Variants in DNTTIP2 observed in about 807,000 individuals in gnomAD.
DNTTIP2 encodes the protein deoxynucleotidyltransferase terminal interacting protein 2.
In DNTTIP2, 47 loss-of-function variants were observed where a neutral mutation model predicts 62.4. The observed-to-expected ratio is 0.75, with a 90% CI of 0.60 to 0.96. DNTTIP2 has a LOEUF of 0.96. Ranked by LOEUF, DNTTIP2 falls within the 40% of genes least tolerant of loss-of-function variation. The probability of loss-of-function intolerance (pLI) is 0.00; values close to 1 mark genes in which losing one functional copy is unlikely to be tolerated. For missense variants in DNTTIP2, 870 were observed against 849.1 expected (o/e 1.02, Z -0.31); for synonymous variants, 322 against 300.9 (o/e 1.07, Z -0.73).
intron 2 of DNTTIP2, 54 bp from the exon 3 acceptor site, chr1:93,875,837 T>C (rs1177430103): frequency 5.2e-6 from 8 of 1,530,564 alleles, no homozygotes; most frequent in Non-Finnish European, 5.3e-6. Flanking sequence ...AATGGAAACA[T>C]ATAAGATGGC....
At chr1:93,871,314 A>T (rs542091019) in intron 5 of DNTTIP2, among the ~76,000 whole-genome samples, 3 of 152,354 alleles carry the variant, frequency 2.0e-5, no homozygotes, top group African/African-American at 7.2e-5. Flanking sequence ...TGCAGTCTTA[A>T]GGAAGCTCCA....
At position 93,876,714 on chromosome 1, in the gene DNTTIP2, A is replaced by C; in HGVS notation, c.1221T>G (p.Ser407Arg). Residue 407 changes from serine to arginine, a missense_variant, in exon 2 of 7, where the codon AGT becomes AGG. Coordinates refer to ENST00000436063, the MANE Select transcript of DNTTIP2 (RefSeq NM_014597.5). ...CTTCACTGTTCATGTCTTCACTGACACTTATAACTGTGGACTCTTCTTCAT... is the reference window on the plus strand; with the variant it reads ...CTTCACTGTTCATGTCTTCACTGACCCTTATAACTGTGGACTCTTCTTCAT... ...SDDEEESTVI[S>R]VSEDMNSEGN... The C allele has an allele frequency of 1.2e-6, 2 of 1,614,022 alleles. No individual in the cohort carries two copies. The highest frequency in any genetic ancestry group is 1.7e-6 in the Non-Finnish European group (2 of 1,179,888).
In DNTTIP2 at chr1:93,877,862, TCTGCAAACCAGAGAAAACACA is replaced by T; in HGVS notation, c.73-21_73-1del. The T allele has an allele frequency of 6.3e-7, 1 of 1,598,240 alleles. No individual in the cohort carries two copies. Among genetic ancestry groups the T allele is most frequent in the Non-Finnish European group, 8.5e-7 (1 of 1,178,788 alleles). Reference sequence around the variant, plus strand: ...GCTTGAATCCCATTAGCAGCAAAACTCTGCAAACCAGAGAAAACACACTGTAATTTAGGTAGGGCTGGAACA... The same window carrying T: ...GCTTGAATCCCATTAGCAGCAAAACTCTGTAATTTAGGTAGGGCTGGAACA... On this transcript the variant is annotated splice_acceptor_variant and splice_polypyrimidine_tract_variant and intron_variant, in intron 1 of 6. Transcript: ENST00000436063. LOFTEE classifies it high-confidence loss of function.
At chr1:93,872,648 T>C (rs1227286527) in intron 4 of DNTTIP2, among the ~76,000 whole-genome samples, 4 of 152,224 alleles carry the variant, frequency 2.6e-5, no homozygotes, top group Non-Finnish European at 5.9e-5. Flanking sequence ...ATGCCACTCA[T>C]ACAAGGATCC....
Position 93,877,278 on chromosome 1 carries a change from ACTATCTTT to A in DNTTIP2, c.649_656del (p.Lys217Ter). 16 of 1,613,734 alleles carry A rather than the reference ACTATCTTT, an allele frequency of 9.9e-6. No individual in the cohort carries two copies. Among genetic ancestry groups the A allele is most frequent in the Non-Finnish European group, 1.2e-5 (14 of 1,179,790 alleles). On this transcript the variant is annotated frameshift_variant, in exon 2 of 7. Coordinates refer to ENST00000436063, the MANE Select transcript of DNTTIP2 (RefSeq NM_014597.5). LOFTEE classifies it high-confidence loss of function. Reference sequence around the variant, plus strand: ...GTTTCTCATTTCCTGGTACAATCTTACTATCTTTCTTTTCAGTTTGTGCCTTTAATTTC... The same window carrying A: ...GTTTCTCATTTCCTGGTACAATCTTACTTTTCAGTTTGTGCCTTTAATTTC...
chr1:93,873,544 G>C (rs1275487270), intron 3 of DNTTIP2, among the ~76,000 whole-genome samples: 4 of 150,666 alleles, frequency 2.7e-5, no homozygotes, highest in Non-Finnish European at 5.9e-5. Flanking sequence ...TGAGGCTGCA[G>C]CAAGCTATGA....
chr1:93,871,773 G>A (rs1004331779), intron 5 of DNTTIP2, among the ~76,000 whole-genome samples: 2 of 152,150 alleles, frequency 1.3e-5, no homozygotes, highest in Non-Finnish European at 2.9e-5. Flanking sequence ...TATCCCGTAT[G>A]GACTCTTGCT....
intron 1 of DNTTIP2, among the ~76,000 whole-genome samples, chr1:93,878,206 A>G (rs1656066402): frequency 6.6e-6 from 1 of 152,128 alleles, no homozygotes; most frequent in African/African-American, 2.4e-5. Flanking sequence ...CAGGAGCCTG[A>G]GGCAGAAGAA....
At position 93,877,217 on chromosome 1, in the gene DNTTIP2, C is replaced by G; in HGVS notation, c.718G>C (p.Asp240His). The change falls in exon 2 of 7, where the codon GAT becomes CAT. Residue 240 changes from aspartate to histidine, a missense_variant. By Grantham distance (81) the Asp-to-His change is moderately conservative. Transcript: ENST00000436063. The part of the protein sequence containing the change: ...VGTPVNSEDS[D>H]TRQTSHLQAR... Reference sequence around the variant, plus strand: ...TGTAAATGGGAAGTTTGTCTGGTATCTGAATCCTCTGAATTCACAGGTGTA... The same window carrying G: ...TGTAAATGGGAAGTTTGTCTGGTATGTGAATCCTCTGAATTCACAGGTGTA... 1 of 1,613,920 alleles carries G rather than the reference C, an allele frequency of 6.2e-7. No individual in the cohort carries two copies. The highest frequency in any genetic ancestry group is 8.5e-7 in the Non-Finnish European group (1 of 1,179,868).
In DNTTIP2 at chr1:93,869,652, C is replaced by T. The variant is rs147787791; in HGVS notation, c.*199G>A. 8.0e-6 allele frequency: 4 copies of T among 497,766 alleles called. No homozygotes were observed. The highest frequency in any genetic ancestry group is 3.9e-5 in the African/African-American group (2 of 51,148). The allele number at this position is 497,766 out of a possible 1,614,324, so 30.8% of individuals were successfully genotyped here. On this transcript the variant is annotated 3_prime_UTR_variant, in exon 7 of 7. Transcript: ENST00000436063. ...CCTTTTTTCCCATAAAGAGTCTACA[C>T]CAGGGTGGGTCTTTTAGACACCCCT...
Position 93,875,906 on chromosome 1 carries a change from AG to A in DNTTIP2, c.1668-124del. ...GTATTGTCCACAATAAAGAAAAAAA[AG>A]CATCTTATTTTTATGAGGAATTCCT... On this transcript the variant is annotated intron_variant, in intron 2 of 6. Transcript: ENST00000436063. 3.1e-6 allele frequency: 3 copies of A among 978,062 alleles called. No individual in the cohort carries two copies. The South Asian group carries it at 5.2e-5, about 17-fold the overall frequency. 60.6% of individuals were successfully genotyped at this position (978,062 alleles called of 1,614,324 possible).
chr1:93,874,120 T>A (rs1655938646), intron 3 of DNTTIP2, among the ~76,000 whole-genome samples: 1 of 152,224 alleles, frequency 6.6e-6, no homozygotes, highest in African/African-American at 2.4e-5. Context: ...GCATGATATT[T>A]ACTTAACAAA....
rs200584102 is a variant in DNTTIP2, at chr1:93,877,091, C to G, written c.844G>C (p.Glu282Gln). The G allele has an allele frequency of 7.4e-6, 12 of 1,611,202 alleles. No individual in the cohort carries two copies. Among genetic ancestry groups the G allele is most frequent in the African/African-American group, 1.3e-5 (1 of 74,858 alleles). Residue 282 changes from glutamate to glutamine, a missense_variant, in exon 2 of 7, where the codon GAA (glutamate) becomes CAA (glutamine). Glu to Gln is a conservative substitution (Grantham distance 29). Transcript: ENST00000436063. ...TTAAGAGATTCAACATTGGCCTGTT[C>G]GTGCACTGTTAATATATTTTCTGAA... The part of the protein sequence containing the change: ...RSSENILTVH[E>Q]QANVESLKET...
chr1:93,877,925 A>T, intron 1 of DNTTIP2, 63 bp from the exon 2 acceptor site: 1 of 1,505,276 alleles, frequency 6.6e-7, no homozygotes, highest in East Asian at 2.3e-5. Context: ...AAGCAAATGA[A>T]ATACTGACCC....
At chr1:93,876,040 G>C (rs2100887605) in intron 2 of DNTTIP2, among the ~76,000 whole-genome samples, 1 of 25,706 alleles carries the variant, frequency 3.9e-5, no homozygotes, top group African/African-American at 1.7e-4. Context: ...CTGCAGCCTT[G>C]AACTCTTGGG....
At position 93,879,155 on chromosome 1, in the gene DNTTIP2, G is replaced by C; in HGVS notation, c.-7C>G. On this transcript the variant is annotated 5_prime_UTR_variant, in exon 1 of 7. Coordinates refer to ENST00000436063, the MANE Select transcript of DNTTIP2 (RefSeq NM_014597.5). ...CAGATCTGGTAACCACCATCTTTCC[G>C]GCTCCCTCGCGACCACCACGACTTC... The C allele has an allele frequency of 6.2e-7, 1 of 1,611,946 alleles. No individual in the cohort carries two copies. Among genetic ancestry groups the C allele is most frequent in the South Asian group, 1.1e-5 (1 of 91,026 alleles).
chr1:93,868,678 T>A lies in DNTTIP2; in HGVS notation c.*1173A>T, dbSNP rs1221083766. 6.6e-6 allele frequency: 1 copy of A among 152,190 alleles called. No individual in the cohort carries two copies. Among genetic ancestry groups the A allele is most frequent in the Non-Finnish European group, 1.5e-5 (1 of 68,048 alleles). The allele number at this position is 152,190 out of a possible 1,614,324, so 9.4% of individuals were successfully genotyped here. A position where few individuals can be genotyped will look rare whatever the true frequency, so the allele number is the denominator to read the frequency against. Reference sequence around the variant, plus strand: ...AATACTATGTGGCCATAAAAAAGCATGAGTTCATGTCCTTTGCAGGGACAT... The same window carrying A: ...AATACTATGTGGCCATAAAAAAGCAAGAGTTCATGTCCTTTGCAGGGACAT... On this transcript the variant is annotated 3_prime_UTR_variant, in exon 7 of 7. Coordinates refer to ENST00000436063, the MANE Select transcript of DNTTIP2 (RefSeq NM_014597.5).
chr1:93,873,307 T>G, intron 3 of DNTTIP2, 93 bp from the exon 4 acceptor site: 1 of 1,000,628 alleles, frequency 1.0e-6, no homozygotes, highest in Non-Finnish European at 1.5e-6. Flanking sequence ...AAATTTTTAG[T>G]CAGCCTGGCA....
Position 93,877,555 on chromosome 1 carries a change from T to G in DNTTIP2, c.380A>C (p.Lys127Thr). 2 of 1,614,022 alleles carry G rather than the reference T, an allele frequency of 1.2e-6. No homozygotes were observed. The highest frequency in any genetic ancestry group is 8.5e-7 in the Non-Finnish European group (1 of 1,179,884). Residue 127 changes from lysine (K) to threonine (T), a missense_variant, in exon 2 of 7, where the codon AAA (lysine) becomes ACA (threonine). By Grantham distance (78) the Lys-to-Thr change is moderately conservative. Coordinates refer to ENST00000436063, the MANE Select transcript of DNTTIP2 (RefSeq NM_014597.5). ...SPVSSVRKKP[K>T]VTPTKESYTE... ...GTAAGACTCCTTTGTTGGAGTTACTTTCGGCTTTTTCCTAACACTGGACAC... is the reference window on the plus strand; with the variant it reads ...GTAAGACTCCTTTGTTGGAGTTACTGTCGGCTTTTTCCTAACACTGGACAC...
Sources: gnomAD v4.1 joint callset for allele counts (sites outside exome capture counted in the v4.1 genomes callset) on GRCh38, gnomAD v4.1.1 for gene constraint, MANE v1.5 for transcripts, NCBI Gene and HGNC (gene_info 2026-07-23, HGNC 2026-07-21) for gene names.